The following ADGRE3 variants were observed in gnomAD, a reference collection of about 807,000 sequenced individuals.
The protein encoded by ADGRE3 is EGF-like module receptor 3.
A neutral mutation model predicts 80.1 loss-of-function variants in ADGRE3; 88 were observed. That is an observed-to-expected ratio of 1.10 (90% CI 0.93 to 1.31). The LOEUF (loss-of-function observed/expected upper bound fraction) is 1.31. Among genes scored for constraint, ADGRE3 ranks in the 40% most tolerant of loss-of-function variants. The pLI, the probability that ADGRE3 is intolerant of heterozygous loss-of-function variation, is 0.00. For synonymous variants in ADGRE3, 281 were observed against 294.8 expected, an observed-to-expected ratio of 0.95 and a Z score of 0.48; for missense variants, 715 against 776.5, an observed-to-expected ratio of 0.92 and a Z score of 0.94.
intron 2 of ADGRE3, among the ~76,000 whole-genome samples, chr19:14,667,965 C>G (rs1041905608): frequency 1.8e-4 from 28 of 152,212 alleles, no homozygotes; most frequent in African/African-American, 6.5e-4. Context: ...ACTAAACACT[C>G]ACTCCAGGCT....
Position 14,630,026 on chromosome 19 carries a change from G to A in ADGRE3, c.1812+13C>T. ...CTTAAGTTTAAATAACAAAGAAAGG[G>A]GTCAGTGTTTACCTGCTGGCTGAGG... On this transcript the variant is annotated intron_variant, in intron 14 of 15. Transcript: ENST00000253673. 1 of 1,566,318 alleles carries A rather than the reference G, an allele frequency of 6.4e-7. No homozygotes were observed. The highest frequency in any genetic ancestry group is 8.7e-7 in the Non-Finnish European group (1 of 1,154,948).
At chr19:14,665,055 ATTTTTT>A (rs916325882) in intron 2 of ADGRE3, among the ~76,000 whole-genome samples, 5,042 of 89,428 alleles carry the variant, frequency 0.056, 66 homozygotes, top group East Asian at 0.11. Context: ...GAGCAACCTC[ATTTTTT>A]TTTTTTTTTT....
the ADGRE3 span, among the ~76,000 whole-genome samples, chr19:14,613,047 T>C: frequency 1.3e-5 from 2 of 151,762 alleles, no homozygotes; most frequent in African/African-American, 4.8e-5. Context: ...TGCCTCAGCC[T>C]CCTGAATAGC....
At chr19:14,638,688 G>A (rs1326431789) in intron 10 of ADGRE3, among the ~76,000 whole-genome samples, 2 of 152,040 alleles carry the variant, frequency 1.3e-5, no homozygotes, top group Non-Finnish European at 2.9e-5. Flanking sequence ...AGCAGAATGT[G>A]CCACCTCCAC....
At chr19:14,621,446 C>G (rs765178344) in intron 15 of ADGRE3, among the ~76,000 whole-genome samples, 17 of 151,210 alleles carry the variant, frequency 1.1e-4, no homozygotes, top group Non-Finnish European at 2.2e-4. Context: ...TAGAGTGAGA[C>G]TCTGTCTCAG....
intron 2 of ADGRE3, among the ~76,000 whole-genome samples, chr19:14,666,355 C>G (rs1324233163): frequency 6.9e-6 from 1 of 144,138 alleles, no homozygotes; most frequent in African/African-American, 2.6e-5. Flanking sequence ...TGATGTTGAG[C>G]ATTTTTTCAT....
downstream of ADGRE3, among the ~76,000 whole-genome samples, chr19:14,614,726 C>G (rs1026900071): frequency 6.6e-6 from 1 of 151,592 alleles, no homozygotes; most frequent in African/African-American, 2.4e-5. Context: ...ACAGGTACAC[C>G]GTAATGCCCA....
intron 7 of ADGRE3, 79 bp from the exon 8 acceptor site, chr19:14,647,444 C>T: frequency 8.6e-7 from 1 of 1,161,718 alleles, no homozygotes; most frequent in Non-Finnish European, 1.2e-6. Flanking sequence ...CGGAGTCTCG[C>T]TCTTGTCGCC....
At chr19:14,655,838 G>C (rs938444409) in intron 5 of ADGRE3, among the ~76,000 whole-genome samples, 1 of 151,984 alleles carries the variant, frequency 6.6e-6, no homozygotes, top group Admixed American at 6.6e-5. Context: ...GTTCTCAACG[G>C]GGGGGTGATT....
the ADGRE3 span, among the ~76,000 whole-genome samples, chr19:14,613,883 G>T: frequency 6.6e-6 from 1 of 151,880 alleles, no homozygotes; most frequent in Non-Finnish European, 1.5e-5. Flanking sequence ...ACGGCATTTC[G>T]CCACTTTGGC....
chr19:14,612,928 TA>T, the ADGRE3 span, among the ~76,000 whole-genome samples: 6 of 119,608 alleles, frequency 5.0e-5, no homozygotes, highest in Non-Finnish European at 8.9e-5. Context: ...CCAATCAATT[TA>T]TTTTTTTTTT....
At chr19:14,630,669 C>T (rs763226321) in intron 13 of ADGRE3, among the ~76,000 whole-genome samples, 1 of 152,034 alleles carries the variant, frequency 6.6e-6, no homozygotes, top group Non-Finnish European at 1.5e-5. Flanking sequence ...CCATCTTGGC[C>T]TCCCAAAGTA....
At chr19:14,620,615 T>C (rs1226150562) in intron 15 of ADGRE3, among the ~76,000 whole-genome samples, 2 of 118,190 alleles carry the variant, frequency 1.7e-5, no homozygotes, top group Admixed American at 2.0e-4. Context: ...GGTTTTGCTC[T>C]GTCACCCAGG....
chr19:14,616,488 TG>T (rs997238779), downstream of ADGRE3, among the ~76,000 whole-genome samples: 2 of 151,866 alleles, frequency 1.3e-5, no homozygotes, highest in African/African-American at 4.8e-5. Flanking sequence ...GTACTAAACC[TG>T]GGAAAGTCCC....
the ADGRE3 span, chr19:14,600,155 G>A: frequency 6.2e-7 from 1 of 1,613,978 alleles, no homozygotes; most frequent in Non-Finnish European, 8.5e-7. Context: ...ACTCTCACTT[G>A]GTCATCATCA....
intron 15 of ADGRE3, among the ~76,000 whole-genome samples, chr19:14,620,565 T>TA (rs1740730585): frequency 6.7e-5 from 2 of 30,064 alleles, no homozygotes; most frequent in African/African-American, 1.4e-4. Context: ...TATATATATA[T>TA]ATATTTTTTT....
At chr19:14,645,380 C>T (rs188906945) in intron 8 of ADGRE3, among the ~76,000 whole-genome samples, 9 of 152,188 alleles carry the variant, frequency 5.9e-5, no homozygotes, top group Admixed American at 4.6e-4. Context: ...CCTTTGAAGC[C>T]GGGCACAGTG....
chr19:14,654,266 T>C (rs1211096075), intron 6 of ADGRE3, among the ~76,000 whole-genome samples: 2 of 150,458 alleles, frequency 1.3e-5, no homozygotes, highest in South Asian at 2.1e-4. Context: ...AACCTGTTTT[T>C]TTTTTTTTTT....
At chr19:14,620,568 A>ATTTTTTT (rs1189295641) in intron 15 of ADGRE3, among the ~76,000 whole-genome samples, 3 of 11,048 alleles carry the variant, frequency 2.7e-4, no homozygotes, top group South Asian at 3.7e-3. Context: ...ATATATATAT[A>ATTTTTTT]TTTTTTTTTT....
Sources: gnomAD v4.1 joint callset for allele counts (sites outside exome capture counted in the v4.1 genomes callset) on GRCh38, gnomAD v4.1.1 for gene constraint, MANE v1.5 for transcripts, NCBI Gene and HGNC (gene_info 2026-07-23, HGNC 2026-07-21) for gene names.